The following LRTM3 variants were observed in gnomAD, a reference collection of about 807,000 sequenced individuals.
The protein encoded by LRTM3 is leucine-rich repeat transmembrane protein 3.
chr13:102,735,400 T>A, the LRTM3 span: 1 of 1,551,328 alleles, frequency 6.4e-7, no homozygotes, highest in Non-Finnish European at 8.7e-7. Flanking sequence ...GGAGAGACAC[T>A]TTTGCAATTC....
At chr13:102,736,372 G>A in the LRTM3 span, 1,007 of 1,551,006 alleles carry the variant, frequency 6.5e-4, 9 homozygotes, top group African/African-American at 0.011. Flanking sequence ...CCTTGAAAAC[G>A]GCACCATTGG....
chr13:102,737,625 C>T, the LRTM3 span: 3 of 1,550,438 alleles, frequency 1.9e-6, no homozygotes, highest in African/African-American at 2.7e-5. Context: ...CCTTTCAGAT[C>T]TTTGTCTTCT....
chr13:102,741,015 C>G, the LRTM3 span: 1 of 1,550,108 alleles, frequency 6.5e-7, no homozygotes, highest in Non-Finnish European at 8.7e-7. Flanking sequence ...GATGCTTTCT[C>G]TACCATTGGG....
chr13:102,754,514 G>A, the LRTM3 span, among the ~76,000 whole-genome samples: 1 of 152,004 alleles, frequency 6.6e-6, no homozygotes, highest in Non-Finnish European at 1.5e-5. Flanking sequence ...GCTTCTGATT[G>A]CTAACAACAA....
chr13:102,736,935 C>T, the LRTM3 span: 3 of 1,551,068 alleles, frequency 1.9e-6, no homozygotes, highest in Non-Finnish European at 2.6e-6. Flanking sequence ...ACTCCTTGTT[C>T]CTCTTTTTTG....
chr13:102,733,431 C>G, the LRTM3 span: 5 of 1,551,300 alleles, frequency 3.2e-6, no homozygotes, highest in Non-Finnish European at 4.4e-6. Context: ...CTCTCTGAAA[C>G]AGAAAATCCT....
At chr13:102,738,810 C>T in the LRTM3 span, 3 of 1,550,114 alleles carry the variant, frequency 1.9e-6, no homozygotes, top group Non-Finnish European at 1.7e-6. Flanking sequence ...ACTTCTTTAT[C>T]TTCCTGAATC....
the LRTM3 span, chr13:102,742,134 AG>A: frequency 6.4e-7 from 1 of 1,550,404 alleles, no homozygotes; most frequent in Non-Finnish European, 8.7e-7. Context: ...CAGTATCCAG[AG>A]TCATAAACAG....
At chr13:102,756,518 CA>C in the LRTM3 span, among the ~76,000 whole-genome samples, 2 of 151,146 alleles carry the variant, frequency 1.3e-5, no homozygotes, top group Non-Finnish European at 1.5e-5. Flanking sequence ...ACTAGAAACA[CA>C]AAAAATTAGC....
At chr13:102,746,295 G>A in the LRTM3 span, 1 of 1,551,014 alleles carries the variant, frequency 6.4e-7, no homozygotes, top group Non-Finnish European at 8.7e-7. Flanking sequence ...AAAACTTTAT[G>A]TTCCTCTTCC....
chr13:102,753,016 G>A, the LRTM3 span, among the ~76,000 whole-genome samples: 1 of 152,232 alleles, frequency 6.6e-6, no homozygotes, highest in East Asian at 1.9e-4. Flanking sequence ...AGCATGTGAT[G>A]CACATGCGTG....
At chr13:102,741,228 A>T in the LRTM3 span, 2 of 1,550,194 alleles carry the variant, frequency 1.3e-6, no homozygotes, top group East Asian at 4.9e-5. Context: ...TCCAACTTTG[A>T]TTGCTCTTTT....
the LRTM3 span, chr13:102,729,790 C>G: frequency 6.4e-7 from 1 of 1,551,838 alleles, no homozygotes. Flanking sequence ...TGTCACGTTT[C>G]CCTTTGCTGT....
chr13:102,734,345 C>T, the LRTM3 span: 1 of 1,551,374 alleles, frequency 6.4e-7, no homozygotes, highest in Non-Finnish European at 8.7e-7. Context: ...ACCTCCAAGC[C>T]TTTCTTCATC....
chr13:102,755,030 C>T, the LRTM3 span, among the ~76,000 whole-genome samples: 1 of 152,162 alleles, frequency 6.6e-6, no homozygotes. Flanking sequence ...GTAAGGCCAA[C>T]CCTAAAACAA....
chr13:102,745,074 T>C, the LRTM3 span: 3 of 1,550,890 alleles, frequency 1.9e-6, no homozygotes, highest in Middle Eastern at 1.7e-4. Context: ...TCTCTTTGTA[T>C]TGGCTCTGCA....
At chr13:102,758,432 T>C in the LRTM3 span, 732,229 of 1,522,858 alleles carry the variant, frequency 0.48, 182,217 homozygotes, top group Admixed American at 0.51. Flanking sequence ...GATGAATTAA[T>C]AACTGACCAA....
chr13:102,743,655 C>T, the LRTM3 span: 4 of 1,549,894 alleles, frequency 2.6e-6, no homozygotes, highest in Non-Finnish European at 3.5e-6. Context: ...TGTACTTCTT[C>T]CTCTTCCTCT....
chr13:102,729,876 G>C, the LRTM3 span: 1 of 1,551,844 alleles, frequency 6.4e-7, no homozygotes, highest in Non-Finnish European at 8.7e-7. Flanking sequence ...TTTCTTTCTT[G>C]GCTTTCTGGG....
Sources: gnomAD v4.1 joint callset for allele counts (sites outside exome capture counted in the v4.1 genomes callset) on GRCh38, gnomAD v4.1.1 for gene constraint, MANE v1.5 for transcripts, NCBI Gene and HGNC (gene_info 2026-07-23, HGNC 2026-07-21) for gene names.